Variants in FAM107B observed in about 807,000 individuals in gnomAD.
The protein encoded by FAM107B is protein FAM107B.
A neutral mutation model predicts 31.5 loss-of-function variants in FAM107B; 21 were observed. That is an observed-to-expected ratio of 0.67 (90% CI 0.47 to 0.96). The LOEUF is 0.96. Ranked by LOEUF, FAM107B falls within the 40% of genes least tolerant of loss-of-function variation. The probability of loss-of-function intolerance (pLI) is 0.00; values close to 1 mark genes in which losing one functional copy is unlikely to be tolerated. For missense variants in FAM107B, 452 were observed against 377.1 expected (o/e 1.20, Z -1.64); for synonymous variants, 157 against 141.5 (o/e 1.11, Z -0.78).
At chr10:14,770,777 A>G (rs912566533) in intron 1 of FAM107B, among the ~76,000 whole-genome samples, 5 of 152,104 alleles carry the variant, frequency 3.3e-5, no homozygotes, top group Admixed American at 6.5e-5. Context: ...TTCAATACAG[A>G]CATGTGCGCT....
intron 1 of FAM107B, among the ~76,000 whole-genome samples, chr10:14,769,309 T>C (rs1228237184): frequency 6.6e-6 from 1 of 152,248 alleles, no homozygotes; most frequent in East Asian, 1.9e-4. Flanking sequence ...TAAACCAACC[T>C]GTTCCAAAAA....
chr10:14,636,418 T>C (rs1271874406), intron 2 of FAM107B, among the ~76,000 whole-genome samples: 9 of 152,192 alleles, frequency 5.9e-5, no homozygotes, highest in Admixed American at 5.2e-4. Flanking sequence ...CTAACTCTTT[T>C]TGGGGGTAGA....
chr10:14,751,974 T>C (rs1376085815), intron 1 of FAM107B, among the ~76,000 whole-genome samples: 1 of 152,188 alleles, frequency 6.6e-6, no homozygotes, highest in Non-Finnish European at 1.5e-5. Flanking sequence ...ATAGGTTTAA[T>C]CCATGGCACC....
Position 14,774,421 on chromosome 10 carries a change from G to A in FAM107B, c.243C>T (p.Thr81=), listed in dbSNP as rs146762845. ...GAPEKRQDSS[T]HAERNGSANR... ...TCGCACTGCCATTTCTCTCTGCATG[G>A]GTGCTCGAATCTTGCCTTTTCTCTG... The change falls in exon 1 of 5, where the codon ACC becomes ACT. Residue 81 remains threonine (T), a synonymous_variant. Transcript: ENST00000181796. 3 of 1,614,186 alleles carry A rather than the reference G, an allele frequency of 1.9e-6. No homozygotes were observed. Among genetic ancestry groups the A allele is most frequent in the Non-Finnish European group, 2.5e-6 (3 of 1,180,036 alleles).
intron 2 of FAM107B, among the ~76,000 whole-genome samples, chr10:14,638,628 G>A (rs1350094210): frequency 6.6e-6 from 1 of 152,062 alleles, no homozygotes; most frequent in East Asian, 1.9e-4. Context: ...CTGCCTTTCA[G>A]GGGATTATTT....
At chr10:14,688,665 C>T (rs1002979647) in intron 1 of FAM107B, among the ~76,000 whole-genome samples, 1 of 152,152 alleles carries the variant, frequency 6.6e-6, no homozygotes, top group African/African-American at 2.4e-5. Context: ...AGAGATGTTA[C>T]CTAGAATTTG....
intron 2 of FAM107B, among the ~76,000 whole-genome samples, chr10:14,601,348 G>A (rs954119226): frequency 6.6e-6 from 1 of 152,182 alleles, no homozygotes; most frequent in African/African-American, 2.4e-5. Context: ...CGTTTCCTAA[G>A]TACTTAGGGT....
rs769755769 is a variant in FAM107B, at chr10:14,774,187, G to C, written c.411+66C>G. 5.9e-6 allele frequency: 9 copies of C among 1,531,080 alleles called. No homozygotes were observed. The African/African-American group carries it at 1.1e-4, about 19-fold the overall frequency. The allele number at this position is 1,531,080 out of a possible 1,614,324, so 94.8% of individuals were successfully genotyped here. On this transcript the variant is annotated intron_variant, in intron 1 of 4. Coordinates refer to ENST00000181796, the MANE Select transcript of FAM107B (RefSeq NM_031453.4). ...AATGAGTTTGTTTGCTGAAACATTCGCCACATGATCCCAACGCTCCTCCAG... is the reference window on the plus strand; with the variant it reads ...AATGAGTTTGTTTGCTGAAACATTCCCCACATGATCCCAACGCTCCTCCAG...
At chr10:14,573,179 G>A (rs1343154845) in intron 2 of FAM107B, among the ~76,000 whole-genome samples, 1 of 152,084 alleles carries the variant, frequency 6.6e-6, no homozygotes, top group Non-Finnish European at 1.5e-5. Context: ...TCTGAAAACT[G>A]TCTGCTATGG....
intron 1 of FAM107B, among the ~76,000 whole-genome samples, chr10:14,690,330 G>GCTTCTGTTTCCTC (rs1354814193): frequency 6.6e-6 from 1 of 152,066 alleles, no homozygotes; most frequent in Admixed American, 6.5e-5. Flanking sequence ...TCTGTTTCCT[G>GCTTCTGTTTCCTC]TTTCTGCTTC....
At chr10:14,730,319 C>T (rs1856144271) in intron 1 of FAM107B, among the ~76,000 whole-genome samples, 1 of 152,132 alleles carries the variant, frequency 6.6e-6, no homozygotes. Flanking sequence ...TAATGTGAAA[C>T]CAAAGACGAG....
At chr10:14,572,090 C>T in intron 2 of FAM107B, 1 of 985,380 alleles carries the variant, frequency 1.0e-6, no homozygotes, top group Non-Finnish European at 1.2e-6. Context: ...TCAAAAGAGC[C>T]ACAGTTCAAG....
At chr10:14,580,312 A>G (rs1851594765) in intron 2 of FAM107B, among the ~76,000 whole-genome samples, 1 of 152,044 alleles carries the variant, frequency 6.6e-6, no homozygotes, top group South Asian at 2.1e-4. Context: ...GTGAGCCGAG[A>G]TCATGCCACT....
At position 14,737,766 on chromosome 10, in the gene FAM107B, T is replaced by TTCTCTCTCTCTCTCTC. The variant is rs11276189; in HGVS notation, c.411+36471_411+36486dup. 4.3e-3 allele frequency among the ~76,000 whole-genome samples: 551 copies of TTCTCTCTCTCTCTCTC among 127,100 alleles called. 22 individuals are homozygous for TTCTCTCTCTCTCTCTC. The highest frequency in any genetic ancestry group is 0.018 in the East Asian group (69 of 3,860). The allele number at this position is 127,100 out of a possible 152,430, so 83.4% of individuals were successfully genotyped here. On this transcript the variant is annotated intron_variant, in intron 1 of 4. Coordinates refer to ENST00000181796, the MANE Select transcript of FAM107B (RefSeq NM_031453.4). ...CCATGCAGTGCTGTGCGTGCACGCTTTCTCTCTCTCTCTCTCTCTCTCTCT... is the reference window on the plus strand; with the variant it reads ...CCATGCAGTGCTGTGCGTGCACGCTTTCTCTCTCTCTCTCTCTCTCTCTCTCTCTCTCTCTCTCTCT...
At chr10:14,600,758 G>T (rs899472645) in intron 2 of FAM107B, among the ~76,000 whole-genome samples, 3 of 152,112 alleles carry the variant, frequency 2.0e-5, no homozygotes, top group Non-Finnish European at 4.4e-5. Context: ...TCCTGCTTCA[G>T]CCTCCAGGGT....
At chr10:14,770,031 T>C (rs937180904) in intron 1 of FAM107B, among the ~76,000 whole-genome samples, 1 of 152,162 alleles carries the variant, frequency 6.6e-6, no homozygotes, top group African/African-American at 2.4e-5. Context: ...AGGCTGAACA[T>C]GGAGTGCCGT....
At chr10:14,543,690 T>TAA (rs1564546832) in intron 2 of FAM107B, among the ~76,000 whole-genome samples, 122 of 68,330 alleles carry the variant, frequency 1.8e-3, no homozygotes, top group African/African-American at 4.9e-3. Flanking sequence ...CCTAAAAACT[T>TAA]TAAAAAAAAA....
chr10:14,743,081 C>G (rs1670399801), intron 1 of FAM107B, among the ~76,000 whole-genome samples: 1 of 152,114 alleles, frequency 6.6e-6, no homozygotes, highest in Non-Finnish European at 1.5e-5. Context: ...ATTAGATGGT[C>G]TCTCATTGTG....
chr10:14,556,531 C>T lies in FAM107B; in HGVS notation c.470-26016G>A, dbSNP rs142996527. ...CTGGACAAAACAAAGCCGTGCGCAA[C>T]GTTTAGACTTGACTGACACCTACTG... On this transcript the variant is annotated intron_variant, in intron 2 of 4. Coordinates refer to ENST00000181796, the MANE Select transcript of FAM107B (RefSeq NM_031453.4). 1.2e-4 allele frequency: 57 copies of T among 458,370 alleles called. 1 individual carries two copies. Among genetic ancestry groups the T allele is most frequent in the East Asian group, 9.3e-4 (6 of 6,420 alleles). The allele number at this position is 458,370 out of a possible 1,614,324, so 28.4% of individuals were successfully genotyped here.
Sources: gnomAD v4.1 joint callset for allele counts (sites outside exome capture counted in the v4.1 genomes callset) on GRCh38, gnomAD v4.1.1 for gene constraint, MANE v1.5 for transcripts, NCBI Gene and HGNC (gene_info 2026-07-23, HGNC 2026-07-21) for gene names.